Variants in GALNT1 observed in about 807,000 individuals in gnomAD.
The protein encoded by GALNT1 is polypeptide N-acetylgalactosaminyltransferase 1, also known as GalNAc transferase 1.
A neutral mutation model predicts 65.7 loss-of-function variants in GALNT1; 17 were observed. That is an observed-to-expected ratio of 0.26 (90% CI 0.18 to 0.39). The LOEUF (loss-of-function observed/expected upper bound fraction) is 0.39, where lower values mean the gene tolerates loss of function less well. Ranked by LOEUF, GALNT1 falls within the 10% of genes least tolerant of loss-of-function variation. The probability of loss-of-function intolerance (pLI) is 1.00; values close to 1 mark genes in which losing one functional copy is unlikely to be tolerated. For missense variants in GALNT1, 460 were observed against 672.8 expected (o/e 0.68, Z 3.50); for synonymous variants, 210 against 219.7 (o/e 0.96, Z 0.39).
chr18:35,663,207 GTGGCTGTTTGAC>G (rs2047501304), intron 2 of GALNT1, among the ~76,000 whole-genome samples: 1 of 152,198 alleles, frequency 6.6e-6, no homozygotes, highest in Admixed American at 6.5e-5. Context: ...AAGGCAGTGG[GTGGCTGTTTGAC>G]TGCAAGATGA....
intron 1 of GALNT1, chr18:35,597,136 C>T (rs1283391478): frequency 6.6e-6 from 1 of 152,172 alleles, no homozygotes; most frequent in Non-Finnish European, 1.5e-5. Context: ...TGATTGAACC[C>T]AGTCTGTTCT....
At chr18:35,697,100 A>T (rs1209052879) in intron 9 of GALNT1, among the ~76,000 whole-genome samples, 1 of 152,164 alleles carries the variant, frequency 6.6e-6, no homozygotes, top group Non-Finnish European at 1.5e-5. Context: ...CTACTTCCAA[A>T]GGGGGGTTGA....
intron 1 of GALNT1, among the ~76,000 whole-genome samples, chr18:35,614,678 A>G (rs2046760737): frequency 6.6e-6 from 1 of 152,180 alleles, no homozygotes; most frequent in South Asian, 2.1e-4. Context: ...GTACCTTCAT[A>G]GAAAATTCAG....
chr18:35,657,781 C>T (rs1308977057), intron 2 of GALNT1, among the ~76,000 whole-genome samples: 1 of 152,138 alleles, frequency 6.6e-6, no homozygotes, highest in African/African-American at 2.4e-5. Context: ...ATTCAATATA[C>T]TGGAGAAACA....
chr18:35,688,553 T>C (rs1248298286), intron 6 of GALNT1, among the ~76,000 whole-genome samples: 1 of 152,186 alleles, frequency 6.6e-6, no homozygotes, highest in Non-Finnish European at 1.5e-5. Context: ...TTTTGATGAA[T>C]TAGACTCCTC....
At chr18:35,618,694 A>C (rs897045938) in intron 1 of GALNT1, among the ~76,000 whole-genome samples, 3 of 152,056 alleles carry the variant, frequency 2.0e-5, no homozygotes, top group Non-Finnish European at 4.4e-5. Flanking sequence ...TTCCTATTAC[A>C]TTGTTAAGTA....
At chr18:35,684,523 G>A (rs1048512622) in intron 5 of GALNT1, among the ~76,000 whole-genome samples, 1 of 152,108 alleles carries the variant, frequency 6.6e-6, no homozygotes, top group Non-Finnish European at 1.5e-5. Flanking sequence ...CTCGCCTGAA[G>A]ATAACACACA....
chr18:35,628,702 A>G (rs908535200), intron 1 of GALNT1, among the ~76,000 whole-genome samples: 4 of 152,252 alleles, frequency 2.6e-5, no homozygotes, highest in Non-Finnish European at 5.9e-5. Context: ...CAGCAACGGA[A>G]CAAAGCTGGA....
intron 1 of GALNT1, among the ~76,000 whole-genome samples, chr18:35,651,694 A>G (rs1314618406): frequency 1.3e-5 from 2 of 152,230 alleles, no homozygotes; most frequent in Non-Finnish European, 2.9e-5. Flanking sequence ...AGGACACACA[A>G]AAGTTGCTTA....
chr18:35,631,106 C>A lies in GALNT1; in HGVS notation c.-103-23454C>A, dbSNP rs550552871. ...AAGTCCAGAACCGGCAGATTCACAG[C>A]CACATTCTACCAGAGGTACAAGGAG... is the stretch of plus-strand genomic sequence containing the variant. On this transcript the variant is annotated intron_variant, in intron 1 of 11. Transcript: ENST00000269195. Among the ~76,000 whole-genome samples, 6 of 152,136 alleles carry A rather than the reference C, an allele frequency of 3.9e-5. No individual in the cohort carries two copies. The South Asian group carries it at 1.0e-3, about 26-fold the overall frequency.
chr18:35,654,392 A>G (rs957033290), intron 1 of GALNT1, among the ~76,000 whole-genome samples, 168 bp from the exon 2 acceptor site: 13 of 151,770 alleles, frequency 8.6e-5, no homozygotes, highest in Admixed American at 3.3e-4. Flanking sequence ...TTTTATAAGC[A>G]TTTTTCCAAG....
At chr18:35,645,037 C>A (rs763670456) in intron 1 of GALNT1, among the ~76,000 whole-genome samples, 1 of 151,736 alleles carries the variant, frequency 6.6e-6, no homozygotes, top group Non-Finnish European at 1.5e-5. Flanking sequence ...TAAATCCATT[C>A]CCCAAAGCCT....
intron 1 of GALNT1, among the ~76,000 whole-genome samples, chr18:35,632,043 TAA>T (rs1261210540): frequency 3.3e-5 from 5 of 152,032 alleles, no homozygotes; most frequent in African/African-American, 1.2e-4. Context: ...CTCAATGAAA[TAA>T]AAGAGGATAC....
At chr18:35,593,871 G>A (rs1568012164) in intron 1 of GALNT1, among the ~76,000 whole-genome samples, 1 of 152,070 alleles carries the variant, frequency 6.6e-6, no homozygotes, top group East Asian at 1.9e-4. Flanking sequence ...ATCACACCTG[G>A]CTAAGTTTTG....
At chr18:35,688,747 A>G (rs901403310) in intron 6 of GALNT1, among the ~76,000 whole-genome samples, 3 of 152,150 alleles carry the variant, frequency 2.0e-5, no homozygotes, top group Non-Finnish European at 2.9e-5. Flanking sequence ...TCTAACCTCA[A>G]TCTACTTGGT....
intron 9 of GALNT1, among the ~76,000 whole-genome samples, chr18:35,699,465 G>A (rs11660139): frequency 0.11 from 16,682 of 152,118 alleles, 980 homozygotes; most frequent in Admixed American, 0.18. Flanking sequence ...TCTCTTTCCA[G>A]GATAGTCAAG....
intron 1 of GALNT1, among the ~76,000 whole-genome samples, chr18:35,618,846 T>C (rs1452227175): frequency 6.6e-6 from 1 of 152,146 alleles, no homozygotes; most frequent in Non-Finnish European, 1.5e-5. Flanking sequence ...GAATGGATCT[T>C]AACTGATAGC....
At chr18:35,682,138 A>G (rs950375411) in intron 4 of GALNT1, among the ~76,000 whole-genome samples, 1 of 152,186 alleles carries the variant, frequency 6.6e-6, no homozygotes. Flanking sequence ...TCATAAAATC[A>G]CAGTGATATC....
chr18:35,623,815 T>C (rs2046884854), intron 1 of GALNT1, among the ~76,000 whole-genome samples: 1 of 152,220 alleles, frequency 6.6e-6, no homozygotes, highest in Non-Finnish European at 1.5e-5. Context: ...TTATTATTAA[T>C]TTCTTGAACA....
Sources: gnomAD v4.1 joint callset for allele counts (sites outside exome capture counted in the v4.1 genomes callset) on GRCh38, gnomAD v4.1.1 for gene constraint, MANE v1.5 for transcripts, NCBI Gene and HGNC (gene_info 2026-07-23, HGNC 2026-07-21) for gene names.